MRGPRX2: variants seen among roughly 807,000 people sequenced by gnomAD.
The protein encoded by MRGPRX2 is mas-related G protein-coupled receptor member X2.
For missense variants in MRGPRX2, 389 were observed against 404.5 expected (o/e 0.96, Z 0.33); for synonymous variants, 183 against 175.6 (o/e 1.04, Z -0.33).
In MRGPRX2 at chr11:19,058,596, AT is replaced by A. The variant is rs72351751; in HGVS notation, c.-26+2022del. ...CCACCACGACTGGCTAATTTTTTGT[AT>A]TTTTTTTTTCAGTAGAGACGGGGTT... On this transcript the variant is annotated intron_variant, in intron 1 of 1. Transcript: ENST00000329773. 2.2e-4 allele frequency among the ~76,000 whole-genome samples: 32 copies of A among 145,852 alleles called. No homozygotes were observed. The East Asian group carries it at 3.2e-3, about 15-fold the overall frequency.
At position 19,056,420 on chromosome 11, in the gene MRGPRX2, TG is replaced by T. The variant is rs745491487; in HGVS notation, c.-19del. ...GGATCCATGCTCAGAAAACCTCCACTGGTGCCCCTGGAAACAAAAACAAGAC... is the reference window on the plus strand; with the variant it reads ...GGATCCATGCTCAGAAAACCTCCACTGTGCCCCTGGAAACAAAAACAAGAC... On this transcript the variant is annotated 5_prime_UTR_variant, in exon 2 of 2. Transcript: ENST00000329773. 3.5e-5 allele frequency: 55 copies of T among 1,592,382 alleles called. No individual in the cohort carries two copies. Among genetic ancestry groups the T allele is most frequent in the Non-Finnish European group, 4.5e-5 (53 of 1,166,828 alleles).
At chr11:19,058,138 A>G (rs997086329) in intron 1 of MRGPRX2, among the ~76,000 whole-genome samples, 4 of 152,226 alleles carry the variant, frequency 2.6e-5, no homozygotes, top group African/African-American at 9.6e-5. Context: ...AACTGAGAAT[A>G]AGCAACTGAA....
rs141141857 is a variant in MRGPRX2, at chr11:19,055,691, G to C, written c.712C>G (p.Pro238Ala). The C allele has an allele frequency of 5.0e-5, 81 of 1,614,122 alleles. No homozygotes were observed. In the African/African-American group the frequency reaches 1.0e-3, roughly 21 times the overall value. The change falls in exon 2 of 2, where the codon CCC (proline) becomes GCC (alanine). Residue 238 changes from proline to alanine, a missense_variant. Coordinates refer to ENST00000329773, the MANE Select transcript of MRGPRX2 (RefSeq NM_054030.4). ...TVLVFLLCGL[P>A]FGIQWFLILW... ...ATTAGGAACCACTGAATGCCAAAGGGCAGGCCGCAGAGGAGGAACACCAGC... is the reference window on the plus strand; with the variant it reads ...ATTAGGAACCACTGAATGCCAAAGGCCAGGCCGCAGAGGAGGAACACCAGC...
chr11:19,058,937 A>G (rs1415790855), intron 1 of MRGPRX2, among the ~76,000 whole-genome samples: 2 of 152,200 alleles, frequency 1.3e-5, no homozygotes, highest in East Asian at 1.9e-4. Flanking sequence ...AGCAGGTCCA[A>G]TACCAGCTCC....
rs1849595918 is a variant in MRGPRX2, at chr11:19,054,701, G to A, written c.*709C>T. ...GGAAGGCGTGTAGCTGGGATTTTAA[G>A]GGATGGCATGTGAAAGGAAACCACA... On this transcript the variant is annotated 3_prime_UTR_variant, in exon 2 of 2. Coordinates refer to ENST00000329773, the MANE Select transcript of MRGPRX2 (RefSeq NM_054030.4). 1 of 152,156 alleles carries A rather than the reference G, an allele frequency of 6.6e-6. No homozygotes were observed. Among genetic ancestry groups the A allele is most frequent in the African/African-American group, 2.4e-5 (1 of 41,434 alleles). The allele number at this position is 152,156 out of a possible 1,614,324, so 9.4% of individuals were successfully genotyped here.
chr11:19,056,525 G>C, intron 1 of MRGPRX2, 98 bp from the exon 2 acceptor site: 1 of 1,188,972 alleles, frequency 8.4e-7, no homozygotes. Context: ...TTACAGGAGA[G>C]GAAATCAGAG....
rs764253993 is a variant in MRGPRX2 at position 19,055,414 on chromosome 11, A to G, written c.989T>C (p.Val330Ala). The G allele has an allele frequency of 6.2e-7, 1 of 1,603,710 alleles. No individual in the cohort carries two copies. The highest frequency in any genetic ancestry group is 2.2e-5 in the East Asian group (1 of 44,590). Residue 330 changes from valine (V) to alanine (A), a missense_variant, in exon 2 of 2, where the codon GTG (valine) becomes GCG (alanine). Coordinates refer to ENST00000329773, the MANE Select transcript of MRGPRX2 (RefSeq NM_054030.4). ...GGAAGTAGAGGCTGTCCATCTCTAC[A>G]CCAGACTGCTTCTCGACATCTCCGG... Reference protein sequence around the residue: ...GTPEMSRSSLV With the variant: ...GTPEMSRSSLA
rs764755352 is a variant in MRGPRX2 at position 19,055,862 on chromosome 11, G to A, written c.541C>T (p.Gln181Ter). 2.5e-6 allele frequency: 4 copies of A among 1,614,118 alleles called. No individual in the cohort carries two copies. The highest frequency in any genetic ancestry group is 3.4e-6 in the Non-Finnish European group (4 of 1,180,026). Reference protein sequence around the residue: ...LFSDGDSGWCQTFDFITAAWL... With the variant: ...LFSDGDSGWC Reference sequence around the variant, plus strand: ...GCTGCAGTGATGAAATCAAATGTCTGACACCAACCAGAGTCACCATCACTA... The same window carrying A: ...GCTGCAGTGATGAAATCAAATGTCTAACACCAACCAGAGTCACCATCACTA... Residue 181 changes from glutamine to a stop codon, truncating the protein, a stop_gained, in exon 2 of 2, where the codon CAG (glutamine) becomes TAG (stop). Coordinates refer to ENST00000329773, the MANE Select transcript of MRGPRX2 (RefSeq NM_054030.4). LOFTEE classifies it low-confidence loss of function (END_TRUNC).
At position 19,056,395 on chromosome 11, in the gene MRGPRX2, G is replaced by T; in HGVS notation, c.8C>A (p.Pro3Gln). The T allele has an allele frequency of 6.2e-7, 1 of 1,607,392 alleles. No individual in the cohort carries two copies. The highest frequency in any genetic ancestry group is 8.5e-7 in the Non-Finnish European group (1 of 1,174,654). MD[P>Q]TTPAWGTEST... is the part of the protein sequence containing the mutation. The stretch of plus-strand genomic sequence containing the variant: ...TTCTGTTCCCCAGGCCGGGGTGGTT[G>T]GATCCATGCTCAGAAAACCTCCACT... Residue 3 changes from proline (P) to glutamine (Q), a missense_variant, in exon 2 of 2, where the codon CCA becomes CAA. Physicochemically the swap from Pro to Gln is moderately conservative, Grantham distance 76. Coordinates refer to ENST00000329773, the MANE Select transcript of MRGPRX2 (RefSeq NM_054030.4).
Position 19,056,189 on chromosome 11 carries a change from CCA to C in MRGPRX2, c.212_213del (p.Leu71ArgfsTer21). On this transcript the variant is annotated frameshift_variant, in exon 2 of 2. Coordinates refer to ENST00000329773, the MANE Select transcript of MRGPRX2 (RefSeq NM_054030.4). LOFTEE classifies it low-confidence loss of function (END_TRUNC). ...RNAFSVYVLS[L>X]AGADFLFLCF... ...CAGAGGAAGAGGAAGTCGGCCCCGG[CCA>C]GGCTGAGGACGTAGACAGAGAAGGC... is the stretch of plus-strand genomic sequence containing the variant. 1 of 1,614,144 alleles carries C rather than the reference CCA, an allele frequency of 6.2e-7. No individual in the cohort carries two copies. Among genetic ancestry groups the C allele is most frequent in the Non-Finnish European group, 8.5e-7 (1 of 1,179,980 alleles).
rs776264454 is a variant in MRGPRX2 at position 19,055,837 on chromosome 11, G to A, written c.566C>T (p.Ala189Val). ...WCQTFDFITA[A>V]WLIFLFMVLC... ...AACCATGAATAAAAAAATCAGCCAC[G>A]CTGCAGTGATGAAATCAAATGTCTG... The change falls in exon 2 of 2, where the codon GCG becomes GTG. Residue 189 changes from alanine to valine, a missense_variant. By Grantham distance (64) the Ala-to-Val change is moderately conservative. Transcript: ENST00000329773. 8.1e-6 allele frequency: 13 copies of A among 1,614,070 alleles called. No individual in the cohort carries two copies. Among genetic ancestry groups the A allele is most frequent in the Non-Finnish European group, 1.1e-5 (13 of 1,180,028 alleles).
chr11:19,055,348 G>C lies in MRGPRX2; in HGVS notation c.*62C>G. 1 of 1,513,528 alleles carries C rather than the reference G, an allele frequency of 6.6e-7. No individual in the cohort carries two copies. Among genetic ancestry groups the C allele is most frequent in the African/African-American group, 1.4e-5 (1 of 71,868 alleles). The allele number at this position is 1,513,528 out of a possible 1,614,324, so 93.8% of individuals were successfully genotyped here. A position where few individuals can be genotyped will look rare whatever the true frequency, so the allele number is the denominator to read the frequency against. ...CTGAGAAAGTTCAGCAAATCAGACA[G>C]ACAGGGGCAAAGTTGCCTCTCAAAG... On this transcript the variant is annotated 3_prime_UTR_variant, in exon 2 of 2. Transcript: ENST00000329773.
chr11:19,060,636 T>C lies in MRGPRX2; in HGVS notation c.-43A>G, dbSNP rs1166481077. ...ACTCTTACCTTAACACCCTTCTTTC[T>C]ACTGGAGTTGGTGAGTTGAGAAGTG... On this transcript the variant is annotated 5_prime_UTR_variant, in exon 1 of 2. Coordinates refer to ENST00000329773, the MANE Select transcript of MRGPRX2 (RefSeq NM_054030.4). 1 of 152,282 alleles carries C rather than the reference T, an allele frequency of 6.6e-6. No homozygotes were observed. Among genetic ancestry groups the C allele is most frequent in the African/African-American group, 2.4e-5 (1 of 41,458 alleles). 9.4% of individuals were successfully genotyped at this position (152,282 alleles called of 1,614,324 possible).
At position 19,055,666 on chromosome 11, in the gene MRGPRX2, A is replaced by T. The variant is rs1849607832; in HGVS notation, c.737T>A (p.Ile246Lys). The T allele has an allele frequency of 6.2e-7, 1 of 1,614,104 alleles. No homozygotes were observed. Among genetic ancestry groups the T allele is most frequent in the Non-Finnish European group, 8.5e-7 (1 of 1,180,050 alleles). ...ATCAGAATCCTTCCAGATCCATAAT[A>T]TTAGGAACCACTGAATGCCAAAGGG... ...GLPFGIQWFL[I>K]LWIWKDSDVL... The change falls in exon 2 of 2, where the codon ATA (isoleucine) becomes AAA (lysine). Residue 246 changes from isoleucine (I) to lysine (K), a missense_variant. Coordinates refer to ENST00000329773, the MANE Select transcript of MRGPRX2 (RefSeq NM_054030.4).
At chr11:19,059,712 C>CT (rs369876563) in intron 1 of MRGPRX2, among the ~76,000 whole-genome samples, 73,741 of 152,080 alleles carry the variant, frequency 0.48, 20,511 homozygotes, top group Non-Finnish European at 0.61. Flanking sequence ...AAGAAATGGA[C>CT]TTTCCTATTT....
At chr11:19,058,552 C>T (rs1050011392) in intron 1 of MRGPRX2, among the ~76,000 whole-genome samples, 1 of 151,926 alleles carries the variant, frequency 6.6e-6, no homozygotes, top group African/African-American at 2.4e-5. Flanking sequence ...TCCCGAGTAG[C>T]TGGGACTACA....
intron 1 of MRGPRX2, among the ~76,000 whole-genome samples, chr11:19,057,750 C>T (rs972017295): frequency 1.1e-4 from 16 of 152,198 alleles, no homozygotes; most frequent in African/African-American, 3.6e-4. Context: ...GCTGAATGCT[C>T]TTCAGGTATA....
chr11:19,060,507 CT>C (rs1459760429), intron 1 of MRGPRX2, 111 bp downstream of exon 1: 1 of 152,204 alleles, frequency 6.6e-6, no homozygotes, highest in East Asian at 1.9e-4. Context: ...GCATCCAAAG[CT>C]TCCTCAAAGG....
intron 1 of MRGPRX2, among the ~76,000 whole-genome samples, chr11:19,057,889 C>A (rs1465869357): frequency 1.3e-5 from 2 of 152,192 alleles, no homozygotes; most frequent in Non-Finnish European, 2.9e-5. Flanking sequence ...GTGGTAGAGC[C>A]TGCATTTGAA....
Sources: allele counts gnomAD v4.1 joint callset (sites outside exome capture counted in the v4.1 genomes callset), GRCh38; gene constraint gnomAD v4.1.1; transcripts MANE v1.5; gene names NCBI Gene and HGNC (gene_info 2026-07-23, HGNC 2026-07-21).